TRIQK: variants seen among roughly 807,000 people sequenced by gnomAD.
The protein encoded by TRIQK is triple QxxK/R motif-containing protein.
In TRIQK, 10 loss-of-function variants were observed where a neutral mutation model predicts 10.8. That is an observed-to-expected ratio of 0.92 (90% CI 0.57 to 1.57). TRIQK has a LOEUF of 1.57. TRIQK is among the 40% of genes most tolerant of loss of function. The pLI, the probability that TRIQK is intolerant of heterozygous loss-of-function variation, is 0.00. For missense variants in TRIQK, 107 were observed against 97.7 expected, an observed-to-expected ratio of 1.09 and a Z score of -0.40; for synonymous variants, 33 against 33.7, an observed-to-expected ratio of 0.98 and a Z score of 0.07.
At chr8:92,933,191 T>A (rs907464914) in intron 2 of TRIQK, among the ~76,000 whole-genome samples, 2 of 152,126 alleles carry the variant, frequency 1.3e-5, no homozygotes, top group Non-Finnish European at 2.9e-5. Context: ...ACTACGCCCT[T>A]TCCACATTTA....
chr8:92,923,416 C>T (rs1810285734), intron 2 of TRIQK, among the ~76,000 whole-genome samples: 1 of 151,682 alleles, frequency 6.6e-6, no homozygotes, highest in Non-Finnish European at 1.5e-5. Context: ...CAATTTAATT[C>T]CTTGGAGATT....
chr8:92,893,850 G>A (rs557030846), intron 3 of TRIQK, among the ~76,000 whole-genome samples: 16 of 151,658 alleles, frequency 1.1e-4, no homozygotes, highest in African/African-American at 3.1e-4. Flanking sequence ...ATGCTATGGC[G>A]GGGGGTGGGG....
At chr8:92,937,498 A>G (rs1811050526) in intron 2 of TRIQK, among the ~76,000 whole-genome samples, 1 of 151,500 alleles carries the variant, frequency 6.6e-6, no homozygotes, top group Admixed American at 6.6e-5. Flanking sequence ...ATTTTATTTA[A>G]TGTAATTAAA....
At chr8:92,941,497 T>A in intron 2 of TRIQK, among the ~76,000 whole-genome samples, 1 of 150,554 alleles carries the variant, frequency 6.6e-6, no homozygotes, top group Non-Finnish European at 1.5e-5. Flanking sequence ...AAAAAGAAGA[T>A]CTCAAATAAA....
chr8:92,989,772 T>C (rs1235719486), intron 1 of TRIQK, among the ~76,000 whole-genome samples: 1 of 152,222 alleles, frequency 6.6e-6, no homozygotes, highest in Non-Finnish European at 1.5e-5. Flanking sequence ...GGAAAAATTA[T>C]CTTCCACAAA....
chr8:92,890,292 G>A (rs1016426388), intron 4 of TRIQK, among the ~76,000 whole-genome samples: 5 of 151,784 alleles, frequency 3.3e-5, no homozygotes, highest in South Asian at 4.2e-4. Context: ...AAATTGTCAA[G>A]CAAAGTAAGT....
At chr8:92,971,777 C>T (rs1812879253) in intron 1 of TRIQK, among the ~76,000 whole-genome samples, 1 of 152,138 alleles carries the variant, frequency 6.6e-6, no homozygotes, top group Non-Finnish European at 1.5e-5. Flanking sequence ...CGACAGTCTT[C>T]ACAGAATTAG....
At chr8:92,948,993 C>T (rs1811692422) in intron 2 of TRIQK, among the ~76,000 whole-genome samples, 1 of 152,176 alleles carries the variant, frequency 6.6e-6, no homozygotes, top group African/African-American at 2.4e-5. Context: ...GCCAACTGTT[C>T]AAACCAGGCT....
intron 2 of TRIQK, among the ~76,000 whole-genome samples, chr8:92,947,717 C>T (rs1380779550): frequency 2.0e-5 from 3 of 151,648 alleles, no homozygotes; most frequent in Admixed American, 6.6e-5. Flanking sequence ...AATAATGAAG[C>T]CCATAAACTA....
intron 2 of TRIQK, among the ~76,000 whole-genome samples, chr8:92,949,799 AAAGAAAGAAAG>A (rs1393850316): frequency 2.3e-5 from 2 of 85,592 alleles, no homozygotes; most frequent in Non-Finnish European, 5.0e-5. Context: ...AGAAAGAAAG[AAAGAAAGAAAG>A]AAAGAAAGAA....
intron 1 of TRIQK, chr8:92,972,968 T>C (rs1455592166): frequency 6.6e-6 from 1 of 152,216 alleles, no homozygotes; most frequent in East Asian, 1.9e-4. Flanking sequence ...GAAGAGATAT[T>C]CACAGTAAGT....
intron 1 of TRIQK, chr8:92,965,158 C>T (rs1023940577): frequency 3.9e-5 from 6 of 152,104 alleles, no homozygotes; most frequent in African/African-American, 9.7e-5. Flanking sequence ...AGGTTTAGCA[C>T]ACCTCTCCAC....
At chr8:92,942,435 T>C (rs1355106024) in intron 2 of TRIQK, among the ~76,000 whole-genome samples, 1 of 152,126 alleles carries the variant, frequency 6.6e-6, no homozygotes. Context: ...CCACAGCTAA[T>C]ATACTGAATG....
chr8:92,883,707 A>G lies in TRIQK; in HGVS notation c.*2915T>C, dbSNP rs1816325091. The G allele has an allele frequency of 6.6e-6, 1 of 151,798 alleles. No homozygotes were observed. The highest frequency in any genetic ancestry group is 1.5e-5 in the Non-Finnish European group (1 of 67,816). The allele number at this position is 151,798 out of a possible 1,614,324, so 9.4% of individuals were successfully genotyped here. ...TACTGCAATTACAGAAATGAGTAAG[A>G]ACATACTCTCAAGATCTTACAGTCA... is the stretch of plus-strand genomic sequence containing the variant. On this transcript the variant is annotated 3_prime_UTR_variant, in exon 5 of 5. Transcript: ENST00000521988.
At chr8:93,009,043 C>T (rs770971283) in intron 1 of TRIQK, among the ~76,000 whole-genome samples, 4 of 152,182 alleles carry the variant, frequency 2.6e-5, no homozygotes, top group Non-Finnish European at 4.4e-5. Context: ...ATATGGATAA[C>T]AGAAGAAATT....
intron 1 of TRIQK, among the ~76,000 whole-genome samples, chr8:93,015,756 T>C (rs2130765947): frequency 6.6e-6 from 1 of 152,178 alleles, no homozygotes; most frequent in East Asian, 1.9e-4. Flanking sequence ...GAGGTTTTTC[T>C]TTTTCTTTTT....
chr8:92,985,481 C>T (rs555729119), intron 1 of TRIQK, among the ~76,000 whole-genome samples: 66 of 152,150 alleles, frequency 4.3e-4, no homozygotes, highest in African/African-American at 1.6e-3. Context: ...ATATCTATTC[C>T]TGGTACAAAA....
intron 2 of TRIQK, among the ~76,000 whole-genome samples, chr8:92,952,860 A>T (rs1811978569): frequency 6.6e-6 from 1 of 152,176 alleles, no homozygotes; most frequent in African/African-American, 2.4e-5. Flanking sequence ...GCCATTGCAT[A>T]ACGAGCCACA....
chr8:93,008,170 T>A (rs529579378), intron 1 of TRIQK, among the ~76,000 whole-genome samples: 2 of 152,246 alleles, frequency 1.3e-5, no homozygotes, highest in East Asian at 3.9e-4. Flanking sequence ...TCAGGATAAA[T>A]AGCTAATGCA....
Sources: allele counts gnomAD v4.1 joint callset (sites outside exome capture counted in the v4.1 genomes callset), GRCh38; gene constraint gnomAD v4.1.1; transcripts MANE v1.5; gene names NCBI Gene and HGNC (gene_info 2026-07-23, HGNC 2026-07-21).